The following SBF2 variants were observed in gnomAD, a reference collection of about 807,000 sequenced individuals.
SBF2 encodes the protein myotubularin-related protein 13.
A neutral mutation model predicts 225.2 loss-of-function variants in SBF2; 112 were observed. The observed-to-expected ratio is 0.50, with a 90% CI of 0.43 to 0.58. The LOEUF (loss-of-function observed/expected upper bound fraction) is 0.58, where lower values mean the gene tolerates loss of function less well. Among genes scored for constraint, SBF2 ranks in the 20% least tolerant of loss-of-function variants. The pLI, the probability that SBF2 is intolerant of heterozygous loss-of-function variation, is 0.00. For synonymous variants in SBF2, 763 were observed against 773.3 expected, an observed-to-expected ratio of 0.99 and a Z score of 0.22; for missense variants, 1,996 against 2,206.2, an observed-to-expected ratio of 0.90 and a Z score of 1.91.
At chr11:10,059,417 C>A (rs561198331) in intron 2 of SBF2, among the ~76,000 whole-genome samples, 3 of 151,978 alleles carry the variant, frequency 2.0e-5, no homozygotes, top group East Asian at 1.9e-4. Flanking sequence ...CAAGAAATAG[C>A]AATACATAAT....
At chr11:9,883,028 G>A (rs1467814643) in intron 17 of SBF2, among the ~76,000 whole-genome samples, 3 of 152,164 alleles carry the variant, frequency 2.0e-5, no homozygotes, top group East Asian at 1.9e-4. Flanking sequence ...CAGCTACTAG[G>A]GAAGCTGAGG....
intron 2 of SBF2, among the ~76,000 whole-genome samples, chr11:10,115,120 G>A (rs1953069112): frequency 6.6e-6 from 1 of 152,124 alleles, no homozygotes; most frequent in South Asian, 2.1e-4. Context: ...TGATAGGAAT[G>A]ACTACATCAT....
At chr11:10,001,325 A>T (rs537492354) in intron 7 of SBF2, among the ~76,000 whole-genome samples, 112 of 152,248 alleles carry the variant, frequency 7.4e-4, no homozygotes, top group African/African-American at 2.5e-3. Flanking sequence ...CCTTACATAG[A>T]AACCCGACAT....
intron 1 of SBF2, among the ~76,000 whole-genome samples, chr11:10,208,826 T>A (rs886952797): frequency 6.6e-6 from 1 of 151,996 alleles, no homozygotes; most frequent in African/African-American, 2.4e-5. Flanking sequence ...AGAAAAAAAA[T>A]ACAACTGAAA....
At chr11:10,230,910 A>T (rs1321143421) in intron 1 of SBF2, among the ~76,000 whole-genome samples, 1 of 152,110 alleles carries the variant, frequency 6.6e-6, no homozygotes, top group Non-Finnish European at 1.5e-5. Context: ...AGTGTTTTCC[A>T]ACTTGGTTCC....
chr11:10,088,493 T>A (rs1008686336), intron 2 of SBF2, among the ~76,000 whole-genome samples: 22 of 152,220 alleles, frequency 1.4e-4, no homozygotes, highest in Non-Finnish European at 3.1e-4. Flanking sequence ...CTCATGGTTC[T>A]GCAGGCTGGA....
intron 1 of SBF2, among the ~76,000 whole-genome samples, chr11:10,202,423 C>T (rs892076809): frequency 6.6e-6 from 1 of 152,152 alleles, no homozygotes; most frequent in Non-Finnish European, 1.5e-5. Context: ...TCTGCAAAAT[C>T]AAAGTTCTTC....
intron 1 of SBF2, among the ~76,000 whole-genome samples, chr11:10,263,321 A>T (rs968168640): frequency 3.3e-5 from 5 of 151,960 alleles, no homozygotes; most frequent in African/African-American, 1.2e-4. Context: ...TATCAGATAT[A>T]GTAAAAATTC....
chr11:10,094,812 A>G (rs1236041277), intron 2 of SBF2, among the ~76,000 whole-genome samples: 2 of 151,866 alleles, frequency 1.3e-5, no homozygotes, highest in East Asian at 1.9e-4. Context: ...GCCCAAATAC[A>G]TACAGATTAT....
intron 18 of SBF2, among the ~76,000 whole-genome samples, chr11:9,857,257 T>C (rs534905951): frequency 1.4e-4 from 22 of 152,346 alleles, no homozygotes; most frequent in African/African-American, 4.8e-4. Context: ...AAGCACCTTA[T>C]AGCTTGTGAA....
chr11:10,176,581 G>C (rs1400145080), intron 2 of SBF2, among the ~76,000 whole-genome samples: 1 of 152,048 alleles, frequency 6.6e-6, no homozygotes, highest in East Asian at 1.9e-4. Flanking sequence ...AAATAAACTA[G>C]AAAATCTAGA....
chr11:10,028,486 C>T lies in SBF2; in HGVS notation c.585G>A (p.Thr195=), dbSNP rs758955944. The part of the protein sequence containing the change: ...QTPLHDSLPI[T]GTSVALLFQQ... Reference sequence around the variant, plus strand: ...GGAACAGGAGAGCCACACTAGTGCCCGTGATAGGAAGACTATCATGTAAAG... The same window carrying T: ...GGAACAGGAGAGCCACACTAGTGCCTGTGATAGGAAGACTATCATGTAAAG... The change falls in exon 6 of 40, where the codon ACG becomes ACA. Residue 195 remains threonine (T), a synonymous_variant. Coordinates refer to ENST00000256190, the MANE Select transcript of SBF2 (RefSeq NM_030962.4). 15 of 1,613,448 alleles carry T rather than the reference C, an allele frequency of 9.3e-6. No individual in the cohort carries two copies. Among genetic ancestry groups the T allele is most frequent in the Admixed American group, 5.0e-5 (3 of 59,988 alleles).
chr11:10,029,801 A>G lies in SBF2; in HGVS notation c.477T>C (p.Leu159=). The G allele has an allele frequency of 1.9e-6, 3 of 1,613,920 alleles. No homozygotes were observed. The highest frequency in any genetic ancestry group is 2.5e-6 in the Non-Finnish European group (3 of 1,179,820). ...CAGCCGCTGGGACAAGGCAGGCACAAAGGTTTGCAATTAGACTTTCCAAGG... is the reference window on the plus strand; with the variant it reads ...CAGCCGCTGGGACAAGGCAGGCACAGAGGTTTGCAATTAGACTTTCCAAGG... ...NVSLESLIAN[L]CACLVPAAGG... is the part of the protein sequence containing the mutation. Residue 159 remains leucine, a synonymous_variant, in exon 5 of 40, where the codon CTT becomes CTC. Transcript: ENST00000256190.
chr11:10,135,438 G>C (rs559093920), intron 2 of SBF2, among the ~76,000 whole-genome samples: 1 of 152,288 alleles, frequency 6.6e-6, no homozygotes, highest in African/African-American at 2.4e-5. Context: ...CTTAGAAAAT[G>C]GGATTTTCCT....
At chr11:9,816,385 C>T (rs1274161225) in intron 29 of SBF2, among the ~76,000 whole-genome samples, 1 of 152,144 alleles carries the variant, frequency 6.6e-6, no homozygotes, top group African/African-American at 2.4e-5. Flanking sequence ...CTTGGCCTTG[C>T]CTTGCCTCCA....
chr11:9,919,270 C>T (rs57173330), intron 16 of SBF2, among the ~76,000 whole-genome samples: 39,650 of 139,298 alleles, frequency 0.28, 7,024 homozygotes, highest in African/African-American at 0.51. Flanking sequence ...TCTTCTTCTT[C>T]TTTTTTTTTT....
At chr11:10,008,839 G>C (rs1223390422) in intron 6 of SBF2, among the ~76,000 whole-genome samples, 2 of 152,244 alleles carry the variant, frequency 1.3e-5, no homozygotes, top group African/African-American at 4.8e-5. Flanking sequence ...TTTGCATGTG[G>C]CAGGTAGGAC....
chr11:9,853,811 G>A (rs1857131022), intron 19 of SBF2, 99 bp from the exon 20 acceptor site: 1 of 1,091,030 alleles, frequency 9.2e-7, no homozygotes, highest in African/African-American at 1.5e-5. Flanking sequence ...CATGAGCAAA[G>A]TGATGTCTAC....
At chr11:10,248,814 G>C (rs1353348365) in intron 1 of SBF2, among the ~76,000 whole-genome samples, 2 of 152,216 alleles carry the variant, frequency 1.3e-5, no homozygotes, top group African/African-American at 4.8e-5. Flanking sequence ...ACAAATTCTA[G>C]GCCGGGCGCG....
Sources: allele counts gnomAD v4.1 joint callset (sites outside exome capture counted in the v4.1 genomes callset), GRCh38; gene constraint gnomAD v4.1.1; transcripts MANE v1.5; gene names NCBI Gene and HGNC (gene_info 2026-07-23, HGNC 2026-07-21).